The following CDH4 variants were observed in gnomAD, a reference collection of about 807,000 sequenced individuals.
CDH4 encodes cadherin 4, also known as cadherin-4.
A neutral mutation model predicts 86.0 loss-of-function variants in CDH4; 33 were observed. The observed-to-expected ratio is 0.38, with a 90% CI of 0.29 to 0.51. The LOEUF is 0.51. Among genes scored for constraint, CDH4 ranks in the 20% least tolerant of loss-of-function variants. The pLI is 0.86. For missense variants in CDH4, 1,114 were observed against 1,307.4 expected, an observed-to-expected ratio of 0.85 and a Z score of 2.28; for synonymous variants, 555 against 549.4, an observed-to-expected ratio of 1.01 and a Z score of -0.14.
intron 2 of CDH4, among the ~76,000 whole-genome samples, chr20:61,498,822 T>G (rs2085680210): frequency 6.6e-6 from 1 of 152,220 alleles, no homozygotes; most frequent in African/African-American, 2.4e-5. Context: ...TGGGTCACAT[T>G]CGAAGCCGTC....
intron 13 of CDH4, among the ~76,000 whole-genome samples, chr20:61,931,655 T>C (rs371756544): frequency 5.3e-4 from 80 of 152,284 alleles, no homozygotes; most frequent in African/African-American, 1.9e-3. Context: ...AGGCATTTAC[T>C]GGGGGCGTGG....
rs78863009 is a variant in CDH4 at position 61,384,850 on chromosome 20, T to C, written c.169+129913T>C. Among the ~76,000 whole-genome samples, 66 of 152,304 alleles carry C rather than the reference T, an allele frequency of 4.3e-4. No homozygotes were observed. In the East Asian group the frequency reaches 0.012, roughly 28 times the overall value. ...TCTCTTTAAACATAATAAGCATAGG[T>C]ATTTCAGACTCTAAGTCTGATCCCT... On this transcript the variant is annotated intron_variant, in intron 2 of 15. Transcript: ENST00000614565.
chr20:61,314,531 G>C (rs1377443368), intron 2 of CDH4, among the ~76,000 whole-genome samples: 1 of 152,216 alleles, frequency 6.6e-6, no homozygotes, highest in Admixed American at 6.5e-5. Flanking sequence ...AGTGGACACT[G>C]AGGTGGATTC....
intron 2 of CDH4, among the ~76,000 whole-genome samples, chr20:61,302,173 C>T (rs908483251): frequency 2.0e-5 from 3 of 152,164 alleles, no homozygotes; most frequent in Admixed American, 6.5e-5. Context: ...GAGGTCTGGG[C>T]GGTGACCTGC....
intron 4 of CDH4, among the ~76,000 whole-genome samples, chr20:61,834,439 CG>C (rs942118937): frequency 6.6e-6 from 1 of 152,020 alleles, no homozygotes; most frequent in Non-Finnish European, 1.5e-5. Flanking sequence ...TCTTCCAGCC[CG>C]GCCCCCAAGG....
chr20:61,359,212 CT>C (rs2084770253), intron 2 of CDH4, among the ~76,000 whole-genome samples: 2 of 152,136 alleles, frequency 1.3e-5, no homozygotes, highest in Non-Finnish European at 2.9e-5. Context: ...CAGAAAGCCC[CT>C]CTTAAACCTG....
intron 2 of CDH4, among the ~76,000 whole-genome samples, chr20:61,565,088 G>GGTGGTGGTGGTGGTGGTGGTGGTA (rs760470602): frequency 5.6e-5 from 5 of 89,828 alleles, no homozygotes; most frequent in Non-Finnish European, 9.3e-5. Context: ...TGGTGGTGGT[G>GGTGGTGGTGGTGGTGGTGGTGGTA]CTCTTGGTGG....
chr20:61,635,483 G>A (rs959496800), intron 2 of CDH4, among the ~76,000 whole-genome samples: 19 of 152,290 alleles, frequency 1.2e-4, no homozygotes, highest in African/African-American at 2.4e-4. Flanking sequence ...TTTTGCCTGC[G>A]TTTTGAAGGC....
chr20:61,739,051 T>C (rs935713086), intron 2 of CDH4: 1 of 152,234 alleles, frequency 6.6e-6, no homozygotes, highest in African/African-American at 2.4e-5. Context: ...GAGGGAAAAG[T>C]TTTCTGGGAA....
At chr20:61,677,915 ATACAT>A (rs1363262600) in intron 2 of CDH4, among the ~76,000 whole-genome samples, 2 of 152,074 alleles carry the variant, frequency 1.3e-5, no homozygotes, top group African/African-American at 2.4e-5. Context: ...TAGGTGATAG[ATACAT>A]TAGATAGATG....
At chr20:61,932,493 C>T (rs369090856) in intron 13 of CDH4, among the ~76,000 whole-genome samples, 1 of 152,144 alleles carries the variant, frequency 6.6e-6, no homozygotes, top group Non-Finnish European at 1.5e-5. Context: ...TGAGCATACA[C>T]AGACACACGA....
At chr20:61,580,226 G>A (rs2086415253) in intron 2 of CDH4, among the ~76,000 whole-genome samples, 1 of 152,104 alleles carries the variant, frequency 6.6e-6, no homozygotes, top group Non-Finnish European at 1.5e-5. Flanking sequence ...AGGCCTAGAC[G>A]GGTGAATCAC....
At chr20:61,358,656 C>G (rs1262807294) in intron 2 of CDH4, among the ~76,000 whole-genome samples, 3 of 152,226 alleles carry the variant, frequency 2.0e-5, no homozygotes, top group Non-Finnish European at 4.4e-5. Flanking sequence ...CACGGCCCTT[C>G]CCTGGTTTTC....
chr20:61,526,953 AT>A (rs1336607188), intron 2 of CDH4, among the ~76,000 whole-genome samples: 7 of 152,238 alleles, frequency 4.6e-5, no homozygotes, highest in Non-Finnish European at 8.8e-5. Flanking sequence ...TTCAAGTTTG[AT>A]ATGTCAAGCG....
At chr20:61,853,871 G>T (rs1430742977) in intron 6 of CDH4, among the ~76,000 whole-genome samples, 2 of 152,184 alleles carry the variant, frequency 1.3e-5, no homozygotes, top group Non-Finnish European at 2.9e-5. Flanking sequence ...TGCCCGGCTT[G>T]GGTTGGGTCG....
chr20:61,851,651 G>C (rs1384288825), intron 5 of CDH4, among the ~76,000 whole-genome samples: 1 of 152,236 alleles, frequency 6.6e-6, no homozygotes, highest in Non-Finnish European at 1.5e-5. Context: ...TGACCATCCA[G>C]CTCTGGGTGG....
intron 2 of CDH4, among the ~76,000 whole-genome samples, chr20:61,481,901 T>C (rs1294183828): frequency 1.3e-5 from 2 of 152,240 alleles, no homozygotes; most frequent in Non-Finnish European, 2.9e-5. Context: ...CATATGTTTT[T>C]CAGTTCCATA....
intron 1 of CDH4, among the ~76,000 whole-genome samples, chr20:61,253,361 G>T (rs2084076613): frequency 6.6e-6 from 1 of 151,938 alleles, no homozygotes; most frequent in South Asian, 2.1e-4. Context: ...TGCGCCTGGC[G>T]AGGTGCGCGG....
At chr20:61,338,285 TGAA>T (rs142528257) in intron 2 of CDH4, among the ~76,000 whole-genome samples, 7,203 of 151,866 alleles carry the variant, frequency 0.047, 216 homozygotes, top group Middle Eastern at 0.082. Flanking sequence ...GGGAAAAAAT[TGAA>T]GAGAAAAAAA....
Sources: allele counts gnomAD v4.1 joint callset (sites outside exome capture counted in the v4.1 genomes callset), GRCh38; gene constraint gnomAD v4.1.1; transcripts MANE v1.5; gene names NCBI Gene and HGNC (gene_info 2026-07-23, HGNC 2026-07-21).